NBPF9: variants seen among roughly 807,000 people sequenced by gnomAD.
NBPF9 encodes NBPF family member NBPF9.
In NBPF9, 91 loss-of-function variants were observed where a neutral mutation model predicts 97.8. The observed-to-expected ratio is 0.93, with a 90% CI of 0.79 to 1.11. The LOEUF is 1.11. NBPF9 is among the 50% of genes least tolerant of loss of function. The pLI is 0.00. For missense variants in NBPF9, 992 were observed against 939.5 expected (o/e 1.06, Z -0.73); for synonymous variants, 334 against 359.5 (o/e 0.93, Z 0.80).
At chr1:149,069,094 A>T (rs1251494353) in intron 17 of NBPF9, among the ~76,000 whole-genome samples, 13 of 152,186 alleles carry the variant, frequency 8.5e-5, no homozygotes, top group African/African-American at 2.9e-4. Context: ...GACAAAACAT[A>T]CCAGAATCTC....
At chr1:149,081,582 T>C (rs1398818487) in intron 7 of NBPF9, among the ~76,000 whole-genome samples, 3 of 152,052 alleles carry the variant, frequency 2.0e-5, no homozygotes, top group South Asian at 4.1e-4. Context: ...AAATTTGAAC[T>C]GAATAAAAGT....
rs1202892224 is a variant in NBPF9 at position 149,059,957 on chromosome 1, T to A, written c.2477-149A>T. 2.8e-5 allele frequency: 12 copies of A among 423,472 alleles called. No homozygotes were observed. In the Middle Eastern group the frequency reaches 2.4e-3, roughly 85 times the overall value. The allele number at this position is 423,472 out of a possible 1,614,324, so 26.2% of individuals were successfully genotyped here. ...GATATATTTCAGGAGGCCTGAAGGCTGGTTATGATAGAAATTCCTCAGTTT... is the reference window on the plus strand; with the variant it reads ...GATATATTTCAGGAGGCCTGAAGGCAGGTTATGATAGAAATTCCTCAGTTT... On this transcript the variant is annotated intron_variant, in intron 24 of 29. Coordinates refer to ENST00000584027, the Ensembl canonical transcript of NBPF9.
intron 7 of NBPF9, among the ~76,000 whole-genome samples, chr1:149,081,450 G>C (rs9441137): frequency 4.0e-5 from 6 of 149,614 alleles, no homozygotes; most frequent in Non-Finnish European, 7.4e-5. Flanking sequence ...GTCACTTATA[G>C]GTAGCACAGG....
intron 5 of NBPF9, among the ~76,000 whole-genome samples, chr1:149,089,655 C>T (rs2081287859): frequency 1.3e-5 from 2 of 152,300 alleles, no homozygotes; most frequent in South Asian, 4.1e-4. Flanking sequence ...CACTAATATC[C>T]CCAAGTCTGT....
intron 8 of NBPF9, among the ~76,000 whole-genome samples, 183 bp from the exon 9 acceptor site, chr1:149,079,404 T>A (rs1474013952): frequency 6.6e-6 from 1 of 151,852 alleles, no homozygotes; most frequent in African/African-American, 2.4e-5. Context: ...GCTTCCTCTG[T>A]ATCAGAGAGG....
rs1391800738 is a variant in NBPF9 at position 149,075,915 on chromosome 1, A to C, written c.779-51T>G. 4 of 887,332 alleles carry C rather than the reference A, an allele frequency of 4.5e-6. 1 individual carries two copies. The highest frequency in any genetic ancestry group is 5.7e-6 in the Non-Finnish European group (3 of 524,596). 55.0% of individuals were successfully genotyped at this position (887,332 alleles called of 1,614,324 possible). ...GATGGGTTAAAAACTGGTGAAATCA[A>C]ATAGGCTTAATCAGGACTGAGGGAT... is the stretch of plus-strand genomic sequence containing the variant. On this transcript the variant is annotated intron_variant, in intron 11 of 29. Coordinates refer to ENST00000584027, the Ensembl canonical transcript of NBPF9.
intron 20 of NBPF9, 81 bp downstream of exon 20, chr1:149,063,552 G>T (rs1275077734): frequency 1.4e-6 from 1 of 696,348 alleles, no homozygotes; most frequent in Admixed American, 2.1e-5. Flanking sequence ...TCTCAGCTCA[G>T]TAACGGCCAC....
intron 5 of NBPF9, among the ~76,000 whole-genome samples, chr1:149,089,709 G>A (rs1344225463): frequency 1.3e-5 from 2 of 152,304 alleles, no homozygotes; most frequent in Non-Finnish European, 2.9e-5. Flanking sequence ...CACTCAACCA[G>A]GAGTCAAGAT....
At chr1:149,087,828 CTT>C (rs60084667) in intron 5 of NBPF9, among the ~76,000 whole-genome samples, 7 of 88,550 alleles carry the variant, frequency 7.9e-5, no homozygotes, top group South Asian at 4.2e-4. Flanking sequence ...GTTGACTTTC[CTT>C]TTTTTTTTTT....
At position 149,061,469 on chromosome 1, in the gene NBPF9, T is replaced by A. The variant is rs1258603782; in HGVS notation, c.2252-86A>T. On this transcript the variant is annotated intron_variant, in intron 22 of 29. Coordinates refer to ENST00000584027, the Ensembl canonical transcript of NBPF9. ...CCACTGTCTAATCCCCACACAGGGA[T>A]CTCAGGCTCCTCAGCATGAGCACAG... 7 of 450,162 alleles carry A rather than the reference T, an allele frequency of 1.6e-5. 2 individuals are homozygous for A. The highest frequency in any genetic ancestry group is 4.6e-5 in the South Asian group (2 of 43,240). The allele number at this position is 450,162 out of a possible 1,614,324, so 27.9% of individuals were successfully genotyped here.
chr1:149,078,466 GC>G (rs1257941991), intron 9 of NBPF9, among the ~76,000 whole-genome samples: 3 of 124,388 alleles, frequency 2.4e-5, no homozygotes, highest in Non-Finnish European at 5.1e-5. Flanking sequence ...ACCACCAAAT[GC>G]CCCCACATCA....
At chr1:149,073,847 T>G in exon 13 of NBPF9, 1 of 1,490,028 alleles carries the variant, frequency 6.7e-7, no homozygotes, top group South Asian at 1.1e-5. Flanking sequence ...ATAAATTTTA[T>G]GAGGTCTTTA....
At chr1:149,101,998 G>A (rs76658912) in intron 2 of NBPF9, among the ~76,000 whole-genome samples, 29,185 of 100,580 alleles carry the variant, frequency 0.29, 3,918 homozygotes, top group Non-Finnish European at 0.34. Flanking sequence ...CCATGATCAC[G>A]GCTCACTGCA....
exon 30 of NBPF9, chr1:149,054,574 C>T (rs112329011): frequency 4.8e-5 from 7 of 146,898 alleles, no homozygotes; most frequent in Non-Finnish European, 6.0e-5. Context: ...CCCGGCAAAA[C>T]GTTTAGGCTG....
intron 20 of NBPF9, 28 bp from the exon 21 acceptor site, chr1:149,062,941 A>C: frequency 1.2e-6 from 1 of 838,246 alleles, no homozygotes. Flanking sequence ...ATGGACAGTC[A>C]TATTAAGCTG....
exon 30 of NBPF9, chr1:149,055,776 C>A (rs1374758163): frequency 6.2e-7 from 1 of 1,611,486 alleles, no homozygotes; most frequent in Non-Finnish European, 8.5e-7. Flanking sequence ...ATGAGTAAAA[C>A]ACACTTCTGT....
chr1:149,075,522 A>C, intron 12 of NBPF9, 133 bp downstream of exon 12: 1 of 1,148,764 alleles, frequency 8.7e-7, no homozygotes, highest in Non-Finnish European at 1.3e-6. Context: ...ACAAAATGTT[A>C]AAATACCCAT....
At chr1:149,071,053 T>G (rs587658644) in exon 16 of NBPF9, 2 of 1,611,364 alleles carry the variant, frequency 1.2e-6, no homozygotes, top group African/African-American at 2.7e-5. Flanking sequence ...GTTGGAGTCA[T>G]AAGGGCCATG....
Position 149,060,901 on chromosome 1 carries a change from A to G in NBPF9, c.2304-206T>C. The G allele has an allele frequency of 5.1e-6, 2 of 389,664 alleles. 1 individual carries two copies. The highest frequency in any genetic ancestry group is 8.7e-6 in the Non-Finnish European group (2 of 229,198). The allele number at this position is 389,664 out of a possible 1,614,324, so 24.1% of individuals were successfully genotyped here. A position where few individuals can be genotyped will look rare whatever the true frequency, so the allele number is the denominator to read the frequency against. On this transcript the variant is annotated intron_variant, in intron 23 of 29. Coordinates refer to ENST00000584027, the Ensembl canonical transcript of NBPF9. ...AAGAGAAAGACAGATAGACACACAC[A>G]CACACACACACACACACACACACAA... is the stretch of plus-strand genomic sequence containing the variant.
Sources: gnomAD v4.1 joint callset for allele counts (sites outside exome capture counted in the v4.1 genomes callset) on GRCh38, gnomAD v4.1.1 for gene constraint, MANE v1.5 for transcripts, NCBI Gene and HGNC (gene_info 2026-07-23, HGNC 2026-07-21) for gene names.